The following EPC1 variants were observed in gnomAD, a reference collection of about 807,000 sequenced individuals.
EPC1 encodes the protein enhancer of polycomb 1.
EPC1 carries 12 observed loss-of-function variants against 98.4 expected under a neutral mutation model. The observed-to-expected ratio is 0.12, with a 90% confidence interval of 0.08 to 0.20. The LOEUF (loss-of-function observed/expected upper bound fraction) is 0.20, where lower values mean the gene tolerates loss of function less well. Ranked by LOEUF, EPC1 falls within the 10% of genes least tolerant of loss-of-function variation. The pLI is 1.00. For missense variants in EPC1, 729 were observed against 990.5 expected, an observed-to-expected ratio of 0.74 and a Z score of 3.54; for synonymous variants, 357 against 363.9, an observed-to-expected ratio of 0.98 and a Z score of 0.21.
At chr10:32,273,358 C>A in intron 10 of EPC1, 77 bp from the exon 11 acceptor site, 1 of 1,516,770 alleles carries the variant, frequency 6.6e-7, no homozygotes, top group Non-Finnish European at 8.9e-7. Flanking sequence ...AACAAAAATT[C>A]TGCATTAAAT....
chr10:32,366,009 T>G (rs1839593668), intron 1 of EPC1, among the ~76,000 whole-genome samples: 1 of 151,554 alleles, frequency 6.6e-6, no homozygotes, highest in East Asian at 1.9e-4. Context: ...GGCGCGTGCC[T>G]GTAATCCCAG....
intron 1 of EPC1, chr10:32,345,523 T>C (rs1210376902): frequency 2.0e-6 from 2 of 985,396 alleles, no homozygotes; most frequent in Non-Finnish European, 2.4e-6. Context: ...TGGACTTCCT[T>C]GAACTGTCAA....
intron 1 of EPC1, among the ~76,000 whole-genome samples, chr10:32,314,521 T>C (rs1217173489): frequency 6.6e-6 from 1 of 152,208 alleles, no homozygotes; most frequent in Non-Finnish European, 1.5e-5. Context: ...ATTTTTATTA[T>C]TTGCAAAATA....
chr10:32,295,465 ATAAG>A (rs778669237), intron 2 of EPC1, among the ~76,000 whole-genome samples: 28 of 152,176 alleles, frequency 1.8e-4, no homozygotes, highest in South Asian at 6.2e-4. Flanking sequence ...TCCTATTAAA[ATAAG>A]TAAGTATTCA....
intron 2 of EPC1, among the ~76,000 whole-genome samples, chr10:32,303,299 C>T (rs1317932661): frequency 6.6e-6 from 1 of 152,202 alleles, no homozygotes; most frequent in Non-Finnish European, 1.5e-5. Flanking sequence ...GAGACTTTGT[C>T]TCAATAAACA....
chr10:32,286,375 A>C, intron 9 of EPC1: 2 of 321,124 alleles, frequency 6.2e-6, no homozygotes, highest in Non-Finnish European at 1.1e-5. Flanking sequence ...TTAACTTAAT[A>C]CACTGTGTGC....
At chr10:32,303,255 C>T (rs556417608) in intron 2 of EPC1, among the ~76,000 whole-genome samples, 116 of 152,084 alleles carry the variant, frequency 7.6e-4, no homozygotes, top group Non-Finnish European at 1.4e-3. Context: ...TGAGCTGGGA[C>T]TGCACCACTG....
intron 2 of EPC1, among the ~76,000 whole-genome samples, chr10:32,295,905 T>A (rs1296963706): frequency 6.6e-6 from 1 of 151,436 alleles, no homozygotes; most frequent in Non-Finnish European, 1.5e-5. Context: ...AGGGACCAAC[T>A]AGCAATGTTC....
At position 32,271,642 on chromosome 10, in the gene EPC1, C is replaced by T. The variant is rs1835848406; in HGVS notation, c.2281G>A (p.Val761Ile). The change falls in exon 13 of 14, where the codon GTT becomes ATT. Residue 761 changes from valine (V) to isoleucine (I), a missense_variant. Physicochemically the swap from Val to Ile is conservative, Grantham distance 29. This residue lies in a region of EPC1 where 156 missense variants were observed against 188.9 expected (regional missense o/e 0.83). Coordinates refer to ENST00000319778, the MANE Select transcript of EPC1 (RefSeq NM_001272004.3). Reference protein sequence around the residue: ...ARHIPRTLSAVPSSALKLAAA... With the variant: ...ARHIPRTLSAIPSSALKLAAA... ...GCCAGCTTTAAGGCAGATGATGGAA[C>T]AGCACTTAAAGTCCTAGGTATATGT... The T allele has an allele frequency of 6.2e-7, 1 of 1,614,192 alleles. No homozygotes were observed. Among genetic ancestry groups the T allele is most frequent in the East Asian group, 2.2e-5 (1 of 44,886 alleles).
At chr10:32,345,138 A>G in intron 1 of EPC1, 1 of 978,468 alleles carries the variant, frequency 1.0e-6, no homozygotes, top group Non-Finnish European at 1.2e-6. Flanking sequence ...TTAATTTTTA[A>G]AAACAAATCA....
At chr10:32,283,033 C>T (rs749770455) in intron 10 of EPC1, 2 of 152,118 alleles carry the variant, frequency 1.3e-5, no homozygotes, top group Non-Finnish European at 2.9e-5. Flanking sequence ...TATAAATAAG[C>T]TGTTAGTCCC....
At chr10:32,348,946 G>A (rs376618186), upstream of EPC1, among the ~76,000 whole-genome samples, 4 of 152,312 alleles carry the variant, frequency 2.6e-5, no homozygotes, top group African/African-American at 9.6e-5. Context: ...ATAAGTGTGG[G>A]TTAACTTTGC....
intron 1 of EPC1, chr10:32,346,403 C>A (rs1266553665): frequency 1.6e-5 from 3 of 193,330 alleles, no homozygotes; most frequent in Non-Finnish European, 3.3e-5. Flanking sequence ...GCCGCACCCC[C>A]ACAGCCACCC....
intron 6 of EPC1, among the ~76,000 whole-genome samples, chr10:32,288,445 C>T (rs888233317): frequency 4.0e-5 from 6 of 151,020 alleles, no homozygotes; most frequent in African/African-American, 1.5e-4. Flanking sequence ...CTCCCAAGTA[C>T]CTACTAATTC....
At chr10:32,322,347 A>G (rs1836978936) in intron 1 of EPC1, among the ~76,000 whole-genome samples, 1 of 152,156 alleles carries the variant, frequency 6.6e-6, no homozygotes, top group Non-Finnish European at 1.5e-5. Context: ...TTTTTACAGA[A>G]AGTAATGAGA....
intron 2 of EPC1, among the ~76,000 whole-genome samples, chr10:32,298,777 T>C (rs1185109708): frequency 6.6e-6 from 1 of 152,190 alleles, no homozygotes; most frequent in Admixed American, 6.5e-5. Flanking sequence ...TAAAGTTCTC[T>C]GGTTGCTGTT....
rs187669975 is a variant in EPC1, at chr10:32,301,300, G to A, written c.313+4472C>T. Among the ~76,000 whole-genome samples the A allele has an allele frequency of 1.0e-3, 154 of 152,280 alleles. 4 individuals are homozygous for A. The highest frequency in any genetic ancestry group is 9.9e-3 in the Admixed American group (151 of 15,298). ...ATAAAAAAAGACCTGAATACTTCAA[G>A]TGTCAAACATTGTGTTCATGACCTG... is the stretch of plus-strand genomic sequence containing the variant. On this transcript the variant is annotated intron_variant, in intron 2 of 13. Transcript: ENST00000319778.
rs969893212 is a variant in EPC1, at chr10:32,292,905, A to G, written c.666+83T>C. 7 of 942,002 alleles carry G rather than the reference A, an allele frequency of 7.4e-6. No individual in the cohort carries two copies. In the African/African-American group the frequency reaches 1.2e-4, roughly 16 times the overall value. 58.4% of individuals were successfully genotyped at this position (942,002 alleles called of 1,614,324 possible). On this transcript the variant is annotated intron_variant, in intron 4 of 13. Transcript: ENST00000319778. ...ATTGGAAAGTCATATTTGAATATAA[A>G]TTAAACCACAGTATTGAGACAGTCA...
At chr10:32,370,144 A>G (rs775071269) in intron 1 of EPC1, among the ~76,000 whole-genome samples, 6 of 152,216 alleles carry the variant, frequency 3.9e-5, no homozygotes, top group Middle Eastern at 3.2e-3. Context: ...AAGGGCATCA[A>G]ATAACTCATA....
Sources: gnomAD v4.1 joint callset for allele counts (sites outside exome capture counted in the v4.1 genomes callset) on GRCh38, gnomAD v4.1.1 for gene constraint, gnomAD v4.1.1 regional missense constraint, MANE v1.5 for transcripts, NCBI Gene and HGNC (gene_info 2026-07-23, HGNC 2026-07-21) for gene names.